BEND5: variants seen among roughly 807,000 people sequenced by gnomAD.
The protein encoded by BEND5 is BEN domain containing 5.
Under a neutral mutation model 43.9 loss-of-function variants are expected in BEND5, and 22 were observed. The ratio of observed to expected loss-of-function variants is 0.50; its 90% CI spans 0.36 to 0.72. The LOEUF (loss-of-function observed/expected upper bound fraction) is 0.72. Among genes scored for constraint, BEND5 ranks in the 30% least tolerant of loss-of-function variants. The pLI is 0.00. For synonymous variants in BEND5, 228 were observed against 225.9 expected (o/e 1.01, Z -0.08); for missense variants, 428 against 550.6 (o/e 0.78, Z 2.23).
Position 48,764,627 on chromosome 1 carries a change from A to G in BEND5, c.227-3157T>C, listed in dbSNP as rs533372791. On this transcript the variant is annotated intron_variant, in intron 1 of 5. Transcript: ENST00000371833. ...GCCAAGTTAAGAAGAGCTGAGGCTC[A>G]GTGTGCAGATGTGGAATAAACTAGG... Among the ~76,000 whole-genome samples, 62 of 152,352 alleles carry G rather than the reference A, an allele frequency of 4.1e-4. No homozygotes were observed. The Middle Eastern group carries it at 0.01, about 25-fold the overall frequency.
intron 3 of BEND5, among the ~76,000 whole-genome samples, chr1:48,756,467 G>C (rs1252688803): frequency 6.6e-6 from 1 of 152,172 alleles, no homozygotes; most frequent in Non-Finnish European, 1.5e-5. Flanking sequence ...CAAATATACT[G>C]AATTCTTACA....
At chr1:48,764,152 T>A (rs1049349755) in intron 1 of BEND5, among the ~76,000 whole-genome samples, 1 of 152,178 alleles carries the variant, frequency 6.6e-6, no homozygotes, top group African/African-American at 2.4e-5. Context: ...GAGAAGTAAC[T>A]GCTAAAGGAT....
intron 5 of BEND5, among the ~76,000 whole-genome samples, chr1:48,733,798 T>C (rs755998056): frequency 2.0e-5 from 3 of 152,202 alleles, no homozygotes; most frequent in East Asian, 1.9e-4. Context: ...GGCGATCAGC[T>C]TGTGGGTCTC....
At chr1:48,752,614 G>T (rs1651919515) in intron 3 of BEND5, among the ~76,000 whole-genome samples, 4 of 152,156 alleles carry the variant, frequency 2.6e-5, no homozygotes. Context: ...GTAGGACAAT[G>T]GGTGCCTATG....
chr1:48,772,564 T>C (rs1178581299), intron 1 of BEND5, among the ~76,000 whole-genome samples: 2 of 151,978 alleles, frequency 1.3e-5, no homozygotes, highest in Non-Finnish European at 2.9e-5. Context: ...AGAAGTAAGG[T>C]GGGGCTGGGA....
At chr1:48,731,711 A>G (rs146803241) in intron 5 of BEND5, among the ~76,000 whole-genome samples, 1 of 152,380 alleles carries the variant, frequency 6.6e-6, no homozygotes, top group East Asian at 1.9e-4. Context: ...AGGCTTGTTC[A>G]CGAAATACAG....
intron 2 of BEND5, among the ~76,000 whole-genome samples, chr1:48,760,767 A>G (rs1032023898): frequency 6.6e-6 from 1 of 152,180 alleles, no homozygotes; most frequent in African/African-American, 2.4e-5. Context: ...TCAGGTATCT[A>G]CTGCACAGAA....
At chr1:48,742,423 A>AG (rs56653741) in intron 4 of BEND5, among the ~76,000 whole-genome samples, 200 bp downstream of exon 4, 103,447 of 151,958 alleles carry the variant, frequency 0.68, 36,193 homozygotes, top group Middle Eastern at 0.81. Flanking sequence ...AAAGAAAGAA[A>AG]AAAAAAAGGA....
intron 3 of BEND5, among the ~76,000 whole-genome samples, chr1:48,747,521 A>C (rs1308410744): frequency 6.6e-6 from 1 of 152,228 alleles, no homozygotes; most frequent in African/African-American, 2.4e-5. Flanking sequence ...TTCAGATTTA[A>C]CATGTGAAAC....
intron 3 of BEND5, among the ~76,000 whole-genome samples, chr1:48,755,185 T>TGC (rs1652356564): frequency 6.6e-6 from 1 of 152,148 alleles, no homozygotes; most frequent in Non-Finnish European, 1.5e-5. Context: ...CTTTCCAAGG[T>TGC]GCGCCATTAC....
rs1271040400 is a variant in BEND5 at position 48,745,898 on chromosome 1, T to C, written c.746-3127A>G. Among the ~76,000 whole-genome samples, 4 of 152,176 alleles carry C rather than the reference T, an allele frequency of 2.6e-5. No individual in the cohort carries two copies. In the East Asian group the frequency reaches 7.8e-4, roughly 30 times the overall value. ...CTACCATAATAATCAGATGTACTTG[T>C]TCGTCTCTATATCTGTCTCCCCTAC... On this transcript the variant is annotated intron_variant, in intron 3 of 5. Coordinates refer to ENST00000371833, the MANE Select transcript of BEND5 (RefSeq NM_024603.4).
At chr1:48,775,895 G>A (rs370664835) in intron 1 of BEND5, among the ~76,000 whole-genome samples, 1 of 152,186 alleles carries the variant, frequency 6.6e-6, no homozygotes, top group East Asian at 1.9e-4. Context: ...CTCTCATTCA[G>A]GGAGCCTTCT....
At chr1:48,757,492 C>T (rs1188703053) in intron 3 of BEND5, among the ~76,000 whole-genome samples, 5 of 152,118 alleles carry the variant, frequency 3.3e-5, no homozygotes, top group African/African-American at 9.7e-5. Flanking sequence ...GGGGAGTGGA[C>T]AAAGTCCAGC....
At chr1:48,769,878 A>G (rs187235090) in intron 1 of BEND5, among the ~76,000 whole-genome samples, 4 of 152,332 alleles carry the variant, frequency 2.6e-5, no homozygotes, top group Admixed American at 2.6e-4. Flanking sequence ...CACAGTCACA[A>G]TTTTAACCCA....
rs151178214 is a variant in BEND5 at position 48,747,532 on chromosome 1, A to G, written c.746-4761T>C. 9.2e-3 allele frequency among the ~76,000 whole-genome samples: 1,398 copies of G among 152,330 alleles called. 23 individuals are homozygous for G. The highest frequency in any genetic ancestry group is 0.032 in the African/African-American group (1,315 of 41,566). ...GAAGTTCAGATTTAACATGTGAAAC[A>G]CTATTATATAGCATACAAATAACTC... On this transcript the variant is annotated intron_variant, in intron 3 of 5. Coordinates refer to ENST00000371833, the MANE Select transcript of BEND5 (RefSeq NM_024603.4).
At chr1:48,775,285 A>G (rs7520784) in intron 1 of BEND5, among the ~76,000 whole-genome samples, 106,031 of 151,884 alleles carry the variant, frequency 0.7, 37,532 homozygotes, top group African/African-American at 0.76. Context: ...CAGTTCTTCC[A>G]CTCTTCAACT....
intron 1 of BEND5, among the ~76,000 whole-genome samples, chr1:48,771,411 A>G (rs1358704616): frequency 6.6e-6 from 1 of 152,146 alleles, no homozygotes; most frequent in East Asian, 1.9e-4. Flanking sequence ...GCCTGGGACA[A>G]TTTTTTATTT....
chr1:48,751,175 C>T (rs1388272889), intron 3 of BEND5, among the ~76,000 whole-genome samples: 1 of 152,158 alleles, frequency 6.6e-6, no homozygotes, highest in African/African-American at 2.4e-5. Context: ...AAGAAAACTC[C>T]AGGAATTGTC....
intron 2 of BEND5, 88 bp from the exon 3 acceptor site, chr1:48,759,372 A>G: frequency 6.8e-7 from 1 of 1,473,326 alleles, no homozygotes; most frequent in Non-Finnish European, 9.0e-7. Flanking sequence ...CAATCCTAAA[A>G]TCACAGAATC....
Sources: allele counts gnomAD v4.1 joint callset (sites outside exome capture counted in the v4.1 genomes callset), GRCh38; gene constraint gnomAD v4.1.1; transcripts MANE v1.5; gene names NCBI Gene and HGNC (gene_info 2026-07-23, HGNC 2026-07-21).